The following GALNT13 variants were observed in gnomAD, a reference collection of about 807,000 sequenced individuals.
The protein encoded by GALNT13 is UDP-GalNAc:polypeptide N-acetylgalactosaminyltransferase 13.
Under a neutral mutation model 64.2 loss-of-function variants are expected in GALNT13, and 28 were observed. That is an observed-to-expected ratio of 0.44 (90% confidence interval 0.32 to 0.60). GALNT13 has a LOEUF of 0.60. Among genes scored for constraint, GALNT13 ranks in the 20% least tolerant of loss-of-function variants. GALNT13 has a pLI of 0.05. For missense variants in GALNT13, 577 were observed against 669.8 expected (o/e 0.86, Z 1.53); for synonymous variants, 214 against 224.6 (o/e 0.95, Z 0.42).
chr2:153,841,616 C>T, the GALNT13 span, among the ~76,000 whole-genome samples: 3 of 152,024 alleles, frequency 2.0e-5, no homozygotes, highest in African/African-American at 7.2e-5. Context: ...CTATCTCATC[C>T]CAAAGCTGAA....
chr2:154,289,220 G>A (rs774541176), intron 8 of GALNT13, among the ~76,000 whole-genome samples: 5 of 152,180 alleles, frequency 3.3e-5, no homozygotes, highest in African/African-American at 7.2e-5. Flanking sequence ...GCCATGGCTG[G>A]GATGCAGAGC....
the GALNT13 span, among the ~76,000 whole-genome samples, chr2:153,643,534 A>G: frequency 1.3e-4 from 20 of 151,838 alleles, no homozygotes; most frequent in East Asian, 3.1e-3. Flanking sequence ...TTCATATTCT[A>G]CCAAATTCTC....
At chr2:153,179,624 T>G in the GALNT13 span, among the ~76,000 whole-genome samples, 1 of 152,178 alleles carries the variant, frequency 6.6e-6, no homozygotes, top group Non-Finnish European at 1.5e-5. Context: ...TTGCATTGAA[T>G]TTGTTGATCA....
chr2:153,070,121 C>T, the GALNT13 span, among the ~76,000 whole-genome samples: 1 of 151,880 alleles, frequency 6.6e-6, no homozygotes, highest in African/African-American at 2.4e-5. Context: ...TCTGCTCTTA[C>T]AAAAGAGCCG....
chr2:153,539,842 G>C, the GALNT13 span, among the ~76,000 whole-genome samples: 1 of 152,122 alleles, frequency 6.6e-6, no homozygotes, highest in Admixed American at 6.5e-5. Context: ...CTCCAGCTTT[G>C]TTCTTTTGGC....
the GALNT13 span, among the ~76,000 whole-genome samples, chr2:153,161,903 T>C: frequency 6.6e-6 from 1 of 152,230 alleles, no homozygotes; most frequent in Non-Finnish European, 1.5e-5. Flanking sequence ...TCTAAGCATA[T>C]GGAAAGAATG....
chr2:153,395,462 C>T, the GALNT13 span, among the ~76,000 whole-genome samples: 1 of 152,044 alleles, frequency 6.6e-6, no homozygotes, highest in Non-Finnish European at 1.5e-5. Context: ...CAGGGATATC[C>T]AGGGGTATTC....
chr2:153,222,714 G>A, the GALNT13 span, among the ~76,000 whole-genome samples: 3 of 152,234 alleles, frequency 2.0e-5, no homozygotes, highest in Admixed American at 6.5e-5. Context: ...GTGGCAGGCG[G>A]CTGGTGTGTC....
At chr2:154,260,348 TG>T (rs983414217) in intron 8 of GALNT13, among the ~76,000 whole-genome samples, 2 of 152,154 alleles carry the variant, frequency 1.3e-5, no homozygotes, top group African/African-American at 4.8e-5. Flanking sequence ...TAAATACGTG[TG>T]ATGTTGTGTA....
At chr2:153,716,371 C>T in the GALNT13 span, among the ~76,000 whole-genome samples, 229 of 152,212 alleles carry the variant, frequency 1.5e-3, no homozygotes, top group African/African-American at 5.4e-3. Context: ...GTTTTGTTTG[C>T]TCATCAGCTA....
the GALNT13 span, among the ~76,000 whole-genome samples, chr2:153,725,695 G>A: frequency 6.6e-6 from 1 of 152,020 alleles, no homozygotes; most frequent in East Asian, 1.9e-4. Context: ...CTTCACAGAT[G>A]CTACTTTTGA....
the GALNT13 span, among the ~76,000 whole-genome samples, chr2:153,332,525 G>A: frequency 1.4e-5 from 2 of 145,756 alleles, no homozygotes. Flanking sequence ...ACCGTGGCCT[G>A]AGAGTATTGT....
At chr2:153,183,315 T>C in the GALNT13 span, among the ~76,000 whole-genome samples, 1 of 152,176 alleles carries the variant, frequency 6.6e-6, no homozygotes, top group East Asian at 1.9e-4. Context: ...TGCCTCCTTT[T>C]TAATGGGTTT....
intron 2 of GALNT13, among the ~76,000 whole-genome samples, chr2:153,930,207 T>G (rs1301215612): frequency 6.6e-6 from 1 of 152,120 alleles, no homozygotes; most frequent in Non-Finnish European, 1.5e-5. Context: ...TTTGCTTGTT[T>G]ATTTAAGTTC....
At chr2:153,325,419 C>T in the GALNT13 span, among the ~76,000 whole-genome samples, 2 of 146,256 alleles carry the variant, frequency 1.4e-5, no homozygotes, top group African/African-American at 4.9e-5. Flanking sequence ...AGCAGTCTGT[C>T]TATTTTGTTA....
the GALNT13 span, among the ~76,000 whole-genome samples, chr2:153,123,273 C>G: frequency 0.046 from 6,979 of 152,152 alleles, 267 homozygotes; most frequent in East Asian, 0.18. Flanking sequence ...AAGAGATTGC[C>G]GACCTATTGA....
At chr2:153,697,736 A>C in the GALNT13 span, among the ~76,000 whole-genome samples, 1 of 152,190 alleles carries the variant, frequency 6.6e-6, no homozygotes, top group African/African-American at 2.4e-5. Flanking sequence ...TAAAGGTCCT[A>C]GTAAGAATGC....
Position 154,162,215 on chromosome 2 carries a change from GT to G in GALNT13, c.311+21712del, listed in dbSNP as rs201492883. ...ACTGGAATGTGGTAAAAAAGAAATT[GT>G]TGTTGATAAAAGAACCACCAACTTG... On this transcript the variant is annotated intron_variant, in intron 4 of 12. Transcript: ENST00000392825. 4.7e-4 allele frequency among the ~76,000 whole-genome samples: 72 copies of G among 152,280 alleles called. 3 individuals are homozygous for G. The East Asian group carries it at 0.013, about 29-fold the overall frequency.
At chr2:154,000,412 AC>A (rs1313829101) in intron 3 of GALNT13, among the ~76,000 whole-genome samples, 1 of 151,128 alleles carries the variant, frequency 6.6e-6, no homozygotes. Context: ...TTTATTTGAA[AC>A]CTTTCTTCTT....
Sources: allele counts gnomAD v4.1 joint callset (sites outside exome capture counted in the v4.1 genomes callset), GRCh38; gene constraint gnomAD v4.1.1; transcripts MANE v1.5; gene names NCBI Gene and HGNC (gene_info 2026-07-23, HGNC 2026-07-21).